SPSB4: variants seen among roughly 807,000 people sequenced by gnomAD.
SPSB4 encodes splA/ryanodine receptor domain and SOCS box containing 4.
Under a neutral mutation model 20.9 loss-of-function variants are expected in SPSB4, and 21 were observed. The observed-to-expected ratio is 1.01, with a 90% CI of 0.71 to 1.45. The LOEUF is 1.45. Among genes scored for constraint, SPSB4 ranks in the 40% most tolerant of loss-of-function variants. SPSB4 has a pLI of 0.00. For missense variants in SPSB4, 399 were observed against 399.2 expected (o/e 1.00, Z 0.00); for synonymous variants, 207 against 183.8 (o/e 1.13, Z -1.02).
chr3:141,068,343 T>G (rs914759708), intron 2 of SPSB4, among the ~76,000 whole-genome samples: 21 of 152,242 alleles, frequency 1.4e-4, no homozygotes, highest in Admixed American at 1.2e-3. Context: ...TGAGAAGGGC[T>G]AATTTAGTCA....
At chr3:141,101,992 C>T (rs1456149282) in intron 2 of SPSB4, among the ~76,000 whole-genome samples, 1 of 152,238 alleles carries the variant, frequency 6.6e-6, no homozygotes, top group Non-Finnish European at 1.5e-5. Flanking sequence ...CCCCACATTT[C>T]GTGCCTTTCC....
Position 141,147,123 on chromosome 3 carries a change from T to G in SPSB4, c.695-19T>G. On this transcript the variant is annotated intron_variant, in intron 2 of 2. Coordinates refer to ENST00000310546, the MANE Select transcript of SPSB4 (RefSeq NM_080862.3). ...AGGATGGCACAGGGCACACTCTAAC[T>G]GCTTCCCTCTCATTGCAGCCGAGCC... 1.2e-6 allele frequency: 2 copies of G among 1,613,480 alleles called. No homozygotes were observed.
chr3:141,118,003 C>T (rs1356480871), intron 2 of SPSB4, among the ~76,000 whole-genome samples: 1 of 152,180 alleles, frequency 6.6e-6, no homozygotes, highest in Non-Finnish European at 1.5e-5. Flanking sequence ...ATTTATAACC[C>T]TTTGGGTATA....
intron 2 of SPSB4, among the ~76,000 whole-genome samples, chr3:141,120,934 G>A (rs1938956079): frequency 6.6e-6 from 1 of 151,982 alleles, no homozygotes; most frequent in African/African-American, 2.4e-5. Flanking sequence ...ATTGTTATGT[G>A]TGAATGTGAT....
rs904309338 is a variant in SPSB4 at position 141,100,999 on chromosome 3, C to T, written c.694+34201C>T. 2.0e-5 allele frequency among the ~76,000 whole-genome samples: 3 copies of T among 152,230 alleles called. No individual in the cohort carries two copies. In the East Asian group the frequency reaches 5.8e-4, roughly 29 times the overall value. ...CTCTGGTAGCGGGGATGCATGATGG[C>T]CAAGAAGGGAATGGAAACTCCCAGA... On this transcript the variant is annotated intron_variant, in intron 2 of 2. Coordinates refer to ENST00000310546, the MANE Select transcript of SPSB4 (RefSeq NM_080862.3).
At chr3:141,052,067 G>C (rs1042331309) in intron 1 of SPSB4, 75 bp downstream of exon 1, 3 of 152,560 alleles carry the variant, frequency 2.0e-5, no homozygotes, top group Non-Finnish European at 4.4e-5. Context: ...GACTTTGTGC[G>C]GGCCAGCACT....
At chr3:141,124,533 C>A (rs1489154985) in intron 2 of SPSB4, among the ~76,000 whole-genome samples, 3 of 152,148 alleles carry the variant, frequency 2.0e-5, no homozygotes, top group African/African-American at 7.2e-5. Context: ...AGCTGTGTTT[C>A]ATGGGGACAG....
intron 1 of SPSB4, among the ~76,000 whole-genome samples, chr3:141,060,272 T>C (rs1326045659): frequency 6.6e-6 from 1 of 152,182 alleles, no homozygotes; most frequent in Non-Finnish European, 1.5e-5. Context: ...CTTTCAAACA[T>C]GTTTAAGTGT....
chr3:141,106,923 G>C (rs150416858), intron 2 of SPSB4, among the ~76,000 whole-genome samples: 1 of 152,136 alleles, frequency 6.6e-6, no homozygotes, highest in Non-Finnish European at 1.5e-5. Flanking sequence ...CTCTGTATGG[G>C]GTCATCTTTC....
At chr3:141,130,492 A>G (rs568436215) in intron 2 of SPSB4, among the ~76,000 whole-genome samples, 3 of 152,192 alleles carry the variant, frequency 2.0e-5, no homozygotes, top group African/African-American at 7.2e-5. Context: ...GCTCAGGTCT[A>G]TTTGAGTTCA....
intron 2 of SPSB4, among the ~76,000 whole-genome samples, chr3:141,101,260 C>A (rs1447320308): frequency 6.6e-6 from 1 of 152,194 alleles, no homozygotes; most frequent in African/African-American, 2.4e-5. Context: ...AGTGACCTGG[C>A]CAGAGTGATC....
At chr3:141,102,228 A>T (rs1203468285) in intron 2 of SPSB4, among the ~76,000 whole-genome samples, 1 of 152,234 alleles carries the variant, frequency 6.6e-6, no homozygotes, top group East Asian at 1.9e-4. Context: ...TTAGTAACTG[A>T]GTAATATATA....
intron 2 of SPSB4, among the ~76,000 whole-genome samples, chr3:141,084,539 C>T (rs2107788437): frequency 6.6e-6 from 1 of 152,368 alleles, no homozygotes; most frequent in East Asian, 1.9e-4. Context: ...CTGTCAATCA[C>T]AAACACTTGG....
At chr3:141,065,728 A>C (rs1489252439) in intron 1 of SPSB4, among the ~76,000 whole-genome samples, 1 of 152,260 alleles carries the variant, frequency 6.6e-6, no homozygotes, top group Non-Finnish European at 1.5e-5. Context: ...ATAATAATGT[A>C]TATCTCTTAT....
chr3:141,082,479 A>C (rs1050870274), intron 2 of SPSB4, among the ~76,000 whole-genome samples: 1 of 152,218 alleles, frequency 6.6e-6, no homozygotes, highest in Non-Finnish European at 1.5e-5. Flanking sequence ...CACCACAGAC[A>C]TGCAGAACAC....
At chr3:141,138,044 C>T (rs1939257548) in intron 2 of SPSB4, among the ~76,000 whole-genome samples, 1 of 152,202 alleles carries the variant, frequency 6.6e-6, no homozygotes, top group Admixed American at 6.5e-5. Flanking sequence ...GATTCAACTT[C>T]TTCCTGGTTT....
intron 2 of SPSB4, among the ~76,000 whole-genome samples, chr3:141,082,616 G>A (rs1938255685): frequency 7.4e-6 from 1 of 134,292 alleles, no homozygotes; most frequent in South Asian, 2.4e-4. Flanking sequence ...CCCAACCCAG[G>A]TGCTATCTAT....
rs567107047 is a variant in SPSB4 at position 141,083,966 on chromosome 3, T to C, written c.694+17168T>C. On this transcript the variant is annotated intron_variant, in intron 2 of 2. Coordinates refer to ENST00000310546, the MANE Select transcript of SPSB4 (RefSeq NM_080862.3). ...AGACTCTGAAGTTGGGCAGAAAGCCTGGGCTTGCCTCACAGCTCTGCCACT... is the reference window on the plus strand; with the variant it reads ...AGACTCTGAAGTTGGGCAGAAAGCCCGGGCTTGCCTCACAGCTCTGCCACT... 1.9e-3 allele frequency among the ~76,000 whole-genome samples: 294 copies of C among 152,244 alleles called. 1 individual carries two copies. Among genetic ancestry groups the C allele is most frequent in the Admixed American group, 5.3e-3 (81 of 15,298 alleles).
At chr3:141,068,906 G>A (rs1937940890) in intron 2 of SPSB4, among the ~76,000 whole-genome samples, 2 of 152,204 alleles carry the variant, frequency 1.3e-5, no homozygotes, top group African/African-American at 4.8e-5. Flanking sequence ...ATTGGGTGAG[G>A]AAAGGCAGTT....
Sources: allele counts gnomAD v4.1 joint callset (sites outside exome capture counted in the v4.1 genomes callset), GRCh38; gene constraint gnomAD v4.1.1; transcripts MANE v1.5; gene names NCBI Gene and HGNC (gene_info 2026-07-23, HGNC 2026-07-21).